GALNT13: variants seen among roughly 807,000 people sequenced by gnomAD.
GALNT13 encodes the protein polypeptide N-acetylgalactosaminyltransferase 13.
In GALNT13, 28 loss-of-function variants were observed where a neutral mutation model predicts 64.2. The ratio of observed to expected loss-of-function variants is 0.44; its 90% CI spans 0.32 to 0.60. The LOEUF is 0.60. GALNT13 is among the 20% of genes least tolerant of loss of function. The pLI, the probability that GALNT13 is intolerant of heterozygous loss-of-function variation, is 0.05. For synonymous variants in GALNT13, 214 were observed against 224.6 expected, an observed-to-expected ratio of 0.95 and a Z score of 0.42; for missense variants, 577 against 669.8, an observed-to-expected ratio of 0.86 and a Z score of 1.53.
chr2:154,043,931 G>T (rs1482454412), intron 3 of GALNT13, among the ~76,000 whole-genome samples: 1 of 152,050 alleles, frequency 6.6e-6, no homozygotes, highest in African/African-American at 2.4e-5. Flanking sequence ...GCTGGGTGTG[G>T]TGGTGGTGGC....
At chr2:153,904,189 A>G (rs1365339285) in intron 2 of GALNT13, among the ~76,000 whole-genome samples, 1 of 151,918 alleles carries the variant, frequency 6.6e-6, no homozygotes, top group Non-Finnish European at 1.5e-5. Context: ...ATTCCATTGT[A>G]TAGAAATACT....
chr2:154,113,219 C>T (rs1022508981), intron 3 of GALNT13, among the ~76,000 whole-genome samples: 3 of 7,122 alleles, frequency 4.2e-4, no homozygotes, highest in African/African-American at 2.1e-3. Flanking sequence ...TCTGATCCAC[C>T]TATGGGGGCC....
At chr2:154,384,634 T>C (rs1043000139) in intron 9 of GALNT13, among the ~76,000 whole-genome samples, 4 of 151,886 alleles carry the variant, frequency 2.6e-5, no homozygotes, top group African/African-American at 9.7e-5. Flanking sequence ...CATAAAAATA[T>C]AAGCAAAGGA....
At chr2:153,537,569 A>T in the GALNT13 span, among the ~76,000 whole-genome samples, 3 of 152,114 alleles carry the variant, frequency 2.0e-5, no homozygotes, top group African/African-American at 4.8e-5. Flanking sequence ...CTTTTCTGTG[A>T]CTTGTATGGT....
At chr2:153,604,876 T>G in the GALNT13 span, among the ~76,000 whole-genome samples, 1 of 152,076 alleles carries the variant, frequency 6.6e-6, no homozygotes, top group South Asian at 2.1e-4. Flanking sequence ...AAGAAACACA[T>G]AATTCTCATT....
chr2:153,427,693 A>C, the GALNT13 span, among the ~76,000 whole-genome samples: 1 of 152,202 alleles, frequency 6.6e-6, no homozygotes, highest in Non-Finnish European at 1.5e-5. Context: ...AGTTAAAGGT[A>C]TTAGACTATT....
intron 3 of GALNT13, among the ~76,000 whole-genome samples, chr2:154,087,046 A>G (rs923782599): frequency 3.3e-5 from 5 of 152,232 alleles, no homozygotes; most frequent in African/African-American, 7.2e-5. Context: ...ACAAATTGCT[A>G]TCTTCTGAAA....
the GALNT13 span, among the ~76,000 whole-genome samples, chr2:153,643,665 TA>T: frequency 6.6e-6 from 1 of 151,860 alleles, no homozygotes; most frequent in African/African-American, 2.4e-5. Context: ...AGTAGACATG[TA>T]AGTCTGATCT....
At chr2:153,111,500 G>A in the GALNT13 span, among the ~76,000 whole-genome samples, 6,088 of 151,916 alleles carry the variant, frequency 0.04, 178 homozygotes, top group Non-Finnish European at 0.056. Flanking sequence ...AAAGAAATTC[G>A]CCCAGTGTGA....
At chr2:154,031,117 G>A (rs1450646372) in intron 3 of GALNT13, among the ~76,000 whole-genome samples, 1 of 152,112 alleles carries the variant, frequency 6.6e-6, no homozygotes, top group African/African-American at 2.4e-5. Flanking sequence ...TAAAATATGT[G>A]ACAAAATACT....
the GALNT13 span, among the ~76,000 whole-genome samples, chr2:153,287,236 C>T: frequency 2.0e-5 from 3 of 152,152 alleles, no homozygotes; most frequent in South Asian, 2.1e-4. Context: ...AGCATGCAGA[C>T]GGGCAAGTCC....
At chr2:154,289,778 A>G (rs1304265332) in intron 8 of GALNT13, among the ~76,000 whole-genome samples, 1 of 152,190 alleles carries the variant, frequency 6.6e-6, no homozygotes, top group African/African-American at 2.4e-5. Flanking sequence ...TCAGCTAGAG[A>G]GGCTACAGTG....
At chr2:153,989,609 G>T (rs1695029352) in intron 3 of GALNT13, among the ~76,000 whole-genome samples, 1 of 151,986 alleles carries the variant, frequency 6.6e-6, no homozygotes, top group African/African-American at 2.4e-5. Context: ...GATTACGTAA[G>T]GAAAGGTATA....
the GALNT13 span, among the ~76,000 whole-genome samples, chr2:153,203,473 T>C: frequency 6.6e-6 from 1 of 152,182 alleles, no homozygotes; most frequent in Admixed American, 6.5e-5. Context: ...ATTATCTAAT[T>C]GATTCTTTAC....
At chr2:154,237,360 T>C (rs1689245260) in intron 4 of GALNT13, among the ~76,000 whole-genome samples, 1 of 151,564 alleles carries the variant, frequency 6.6e-6, no homozygotes, top group African/African-American at 2.4e-5. Flanking sequence ...ACAAATTGTC[T>C]TGTCTCAAGT....
chr2:153,723,068 A>G, the GALNT13 span, among the ~76,000 whole-genome samples: 2 of 151,040 alleles, frequency 1.3e-5, no homozygotes, highest in Non-Finnish European at 2.9e-5. Flanking sequence ...AATACTGGCA[A>G]ACCGAATCCA....
the GALNT13 span, among the ~76,000 whole-genome samples, chr2:153,767,793 G>GTTT: frequency 1.6e-3 from 229 of 145,272 alleles, 1 homozygote; most frequent in African/African-American, 5.5e-3. Flanking sequence ...ACTTTTTAAT[G>GTTT]TTTTTTTTTT....
chr2:153,764,313 G>A, the GALNT13 span, among the ~76,000 whole-genome samples: 10 of 152,168 alleles, frequency 6.6e-5, no homozygotes, highest in Non-Finnish European at 1.3e-4. Flanking sequence ...AAGGAGGGCA[G>A]ATCTCCTGAG....
chr2:154,325,724 A>C lies in GALNT13; in HGVS notation c.1156+24135A>C, dbSNP rs1036775742. On this transcript the variant is annotated intron_variant, in intron 9 of 12. Transcript: ENST00000392825. The stretch of plus-strand genomic sequence containing the variant: ...GAGTAATTGAGGCATCCATCACCTC[A>C]TGCATTGTAACTCATTTTTAAAACT... Among the ~76,000 whole-genome samples the C allele has an allele frequency of 5.9e-5, 9 of 152,200 alleles. No individual in the cohort carries two copies. The East Asian group carries it at 7.7e-4, about 13-fold the overall frequency.
Sources: allele counts gnomAD v4.1 joint callset (sites outside exome capture counted in the v4.1 genomes callset), GRCh38; gene constraint gnomAD v4.1.1; transcripts MANE v1.5; gene names NCBI Gene and HGNC (gene_info 2026-07-23, HGNC 2026-07-21).